The following PCDH7 variants were observed in gnomAD, a reference collection of about 807,000 sequenced individuals.
PCDH7 encodes protocadherin 7.
PCDH7 carries 17 observed loss-of-function variants against 58.9 expected under a neutral mutation model. That is an observed-to-expected ratio of 0.29 (90% confidence interval 0.20 to 0.43). PCDH7 has a LOEUF of 0.43. Ranked by LOEUF, PCDH7 falls within the 20% of genes least tolerant of loss-of-function variation. The probability of loss-of-function intolerance (pLI) is 1.00; values close to 1 mark genes in which losing one functional copy is unlikely to be tolerated. For missense variants in PCDH7, 1,274 were observed against 1,441.0 expected (o/e 0.88, Z 1.88); for synonymous variants, 664 against 616.4 (o/e 1.08, Z -1.14).
At chr4:31,071,088 A>G (rs1758507184) in intron 3 of PCDH7, among the ~76,000 whole-genome samples, 1 of 152,014 alleles carries the variant, frequency 6.6e-6, no homozygotes, top group South Asian at 2.1e-4. Context: ...GCTTTTAGAG[A>G]CTGACACTGT....
chr4:30,830,806 C>T (rs1729675662), intron 1 of PCDH7, among the ~76,000 whole-genome samples: 1 of 151,944 alleles, frequency 6.6e-6, no homozygotes, highest in Non-Finnish European at 1.5e-5. Flanking sequence ...CTCATTATTC[C>T]AAAAGTTTTA....
intron 3 of PCDH7, among the ~76,000 whole-genome samples, chr4:30,957,054 A>G (rs2109454436): frequency 6.6e-6 from 1 of 152,278 alleles, no homozygotes; most frequent in African/African-American, 2.4e-5. Flanking sequence ...AAAACAATAT[A>G]TATTCCAACT....
intron 1 of PCDH7, among the ~76,000 whole-genome samples, chr4:30,893,778 A>G (rs1345251741): frequency 6.6e-6 from 1 of 152,126 alleles, no homozygotes; most frequent in Non-Finnish European, 1.5e-5. Context: ...GTTCCTTATT[A>G]TACTATTTTT....
At chr4:31,108,904 T>G (rs1362761288) in intron 3 of PCDH7, among the ~76,000 whole-genome samples, 1 of 152,172 alleles carries the variant, frequency 6.6e-6, no homozygotes, top group South Asian at 2.1e-4. Flanking sequence ...TGGGTATTTC[T>G]TCTCACCTGA....
In PCDH7 at chr4:30,723,706, G is replaced by A; in HGVS notation, c.2284G>A (p.Val762Ile). Residue 762 changes from valine (V) to isoleucine (I), a missense_variant, in exon 1 of 2, where the codon GTA becomes ATA. Transcript: ENST00000361762. The surrounding 1 kb of genome is among the most constrained non-coding windows in gnomAD (Gnocchi z 4.6). ...GCCACCTTCGAGTAATGTCAGGACA[G>A]TAGTAGCTACAGTGTTGGCAACAGA... 6.2e-7 allele frequency: 1 copy of A among 1,614,142 alleles called. No individual in the cohort carries two copies. The highest frequency in any genetic ancestry group is 1.3e-5 in the African/African-American group (1 of 75,056).
At chr4:30,907,244 A>G (rs1178726727) in intron 1 of PCDH7, among the ~76,000 whole-genome samples, 2 of 152,162 alleles carry the variant, frequency 1.3e-5, no homozygotes, top group Non-Finnish European at 2.9e-5. Context: ...AACAAAAGCC[A>G]AAATAGACAA....
At chr4:30,890,177 G>T (rs528990349) in intron 1 of PCDH7, among the ~76,000 whole-genome samples, 8 of 152,078 alleles carry the variant, frequency 5.3e-5, no homozygotes, top group African/African-American at 1.7e-4. Flanking sequence ...AGTAAACTTT[G>T]CCATTGACCA....
At chr4:30,964,317 C>A (rs1489689788) in intron 3 of PCDH7, among the ~76,000 whole-genome samples, 2 of 151,422 alleles carry the variant, frequency 1.3e-5, no homozygotes, top group African/African-American at 4.9e-5. Flanking sequence ...TCTCGGCTCA[C>A]TGCAAGCTCT....
chr4:31,094,485 G>A (rs1161498056), intron 3 of PCDH7, among the ~76,000 whole-genome samples: 2 of 152,136 alleles, frequency 1.3e-5, no homozygotes, highest in Non-Finnish European at 2.9e-5. Context: ...ATTGTAAGGA[G>A]AAATGTTTTA....
chr4:30,895,623 A>T, intron 1 of PCDH7, among the ~76,000 whole-genome samples: 1 of 152,058 alleles, frequency 6.6e-6, no homozygotes, highest in East Asian at 1.9e-4. Flanking sequence ...AGAGCAGGAC[A>T]TTATTTTTTT....
At chr4:31,081,216 A>G (rs1759471636) in intron 3 of PCDH7, among the ~76,000 whole-genome samples, 2 of 152,228 alleles carry the variant, frequency 1.3e-5, no homozygotes, top group Admixed American at 1.3e-4. Flanking sequence ...TTTTTTAGAG[A>G]AAAGAGTTGC....
chr4:30,786,678 C>G (rs929289946), intron 1 of PCDH7: 1 of 745,840 alleles, frequency 1.3e-6, no homozygotes. Context: ...CTGGCAAAAC[C>G]CTACTCACAT....
chr4:30,726,754 T>G (rs1198461576), intron 1 of PCDH7, among the ~76,000 whole-genome samples: 1 of 152,032 alleles, frequency 6.6e-6, no homozygotes, highest in East Asian at 1.9e-4. Context: ...ATAGCTGACC[T>G]AAAATGAAAT....
At chr4:30,960,959 G>A (rs991263054) in intron 3 of PCDH7, among the ~76,000 whole-genome samples, 17 of 152,290 alleles carry the variant, frequency 1.1e-4, no homozygotes, top group African/African-American at 4.1e-4. Flanking sequence ...AAACATTGGA[G>A]TTGATTTCAT....
At position 30,982,355 on chromosome 4, in the gene PCDH7, G is replaced by A. The variant is rs553769138; in HGVS notation, c.*7+32140G>A. ...GAGTCTTCACAAGCATTTTCAGCCA[G>A]TTCTCTCACTTTCAACTTCTCTCCC... On this transcript the variant is annotated intron_variant, in intron 3 of 3. Coordinates refer to the PCDH7 transcript ENST00000509759. 1.5e-3 allele frequency among the ~76,000 whole-genome samples: 222 copies of A among 152,204 alleles called. 2 individuals are homozygous for A. The highest frequency in any genetic ancestry group is 2.1e-3 in the Non-Finnish European group (143 of 68,014).
intron 3 of PCDH7, among the ~76,000 whole-genome samples, chr4:31,017,070 A>G (rs1753675751): frequency 6.6e-6 from 1 of 152,110 alleles, no homozygotes; most frequent in African/African-American, 2.4e-5. Context: ...GTGAAAACCC[A>G]TTTAAGAGAA....
intron 1 of PCDH7, among the ~76,000 whole-genome samples, chr4:30,900,563 C>A (rs1307647785): frequency 6.6e-6 from 1 of 152,204 alleles, no homozygotes; most frequent in Non-Finnish European, 1.5e-5. Context: ...TACATCAATA[C>A]TCTTCTTATC....
At chr4:30,951,697 A>G (rs1454477295) in intron 3 of PCDH7, among the ~76,000 whole-genome samples, 2 of 152,178 alleles carry the variant, frequency 1.3e-5, no homozygotes, top group African/African-American at 2.4e-5. Flanking sequence ...ATTCATCCAC[A>G]CAAAGAAACA....
intron 1 of PCDH7, among the ~76,000 whole-genome samples, chr4:30,810,555 T>C (rs1048719504): frequency 6.6e-6 from 1 of 151,864 alleles, no homozygotes; most frequent in Non-Finnish European, 1.5e-5. Flanking sequence ...TATGATTTTT[T>C]AAAAAACGTC....
Sources: gnomAD v4.1 joint callset for allele counts (sites outside exome capture counted in the v4.1 genomes callset) on GRCh38, gnomAD v4.1.1 for gene constraint, Gnocchi (gnomAD v3.1) non-coding constraint, MANE v1.5 for transcripts, NCBI Gene and HGNC (gene_info 2026-07-23, HGNC 2026-07-21) for gene names.